The following RAB30 variants were observed in gnomAD, a reference collection of about 807,000 sequenced individuals.
RAB30 encodes the protein RAB30, member RAS oncogene family.
Under a neutral mutation model 25.1 loss-of-function variants are expected in RAB30, and 9 were observed. The ratio of observed to expected loss-of-function variants is 0.36; its 90% CI spans 0.22 to 0.63. RAB30 has a LOEUF of 0.63. Among genes scored for constraint, RAB30 ranks in the 20% least tolerant of loss-of-function variants. The pLI is 0.69. For synonymous variants in RAB30, 77 were observed against 86.4 expected (o/e 0.89, Z 0.60); for missense variants, 140 against 243.5 (o/e 0.58, Z 2.83).
At chr11:83,048,712 G>C (rs901914653) in intron 1 of RAB30, among the ~76,000 whole-genome samples, 1 of 152,132 alleles carries the variant, frequency 6.6e-6, no homozygotes, top group Non-Finnish European at 1.5e-5. Flanking sequence ...TTTAATGTTA[G>C]CCTGCATCCT....
At chr11:83,036,734 T>C (rs1412838338) in intron 1 of RAB30, among the ~76,000 whole-genome samples, 1 of 152,086 alleles carries the variant, frequency 6.6e-6, no homozygotes, top group Non-Finnish European at 1.5e-5. Context: ...AAGTGAGATG[T>C]GAGCTGAGAC....
intron 1 of RAB30, among the ~76,000 whole-genome samples, chr11:83,069,854 G>A (rs1858791755): frequency 1.3e-5 from 2 of 152,160 alleles, no homozygotes; most frequent in Non-Finnish European, 2.9e-5. Context: ...CAGGGGTCAG[G>A]CTCATTGCTG....
Position 82,973,464 on chromosome 11 carries a change from T to C in RAB30, c.*8701A>G, listed in dbSNP as rs1185185043. ...CTAAAAGATTGAATGAGTACTCTTA[T>C]CCAGCATGATTTGTAGTTGTCCTTT... is the stretch of plus-strand genomic sequence containing the variant. On this transcript the variant is annotated 3_prime_UTR_variant, in exon 5 of 5. Transcript: ENST00000527633. 1.3e-5 allele frequency: 2 copies of C among 152,234 alleles called. No individual in the cohort carries two copies. Among genetic ancestry groups the C allele is most frequent in the Non-Finnish European group, 2.9e-5 (2 of 68,038 alleles). The allele number at this position is 152,234 out of a possible 1,614,324, so 9.4% of individuals were successfully genotyped here. A position where few individuals can be genotyped will look rare whatever the true frequency, so the allele number is the denominator to read the frequency against.
At chr11:83,059,653 T>C (rs932786057) in intron 1 of RAB30, among the ~76,000 whole-genome samples, 4 of 152,238 alleles carry the variant, frequency 2.6e-5, no homozygotes, top group African/African-American at 9.6e-5. Context: ...CTCTGCTAAC[T>C]AGGTATACGA....
At chr11:82,993,498 C>T (rs1714509573) in intron 3 of RAB30, among the ~76,000 whole-genome samples, 1 of 152,212 alleles carries the variant, frequency 6.6e-6, no homozygotes, top group African/African-American at 2.4e-5. Flanking sequence ...TTCCTGGACA[C>T]ACCATACTTC....
intron 1 of RAB30, among the ~76,000 whole-genome samples, chr11:83,025,917 G>T (rs1857701409): frequency 6.6e-6 from 1 of 152,170 alleles, no homozygotes; most frequent in Non-Finnish European, 1.5e-5. Flanking sequence ...GGCCAGGCAT[G>T]GTGACTCACA....
chr11:83,001,464 C>T (rs1857084538), intron 1 of RAB30, among the ~76,000 whole-genome samples: 1 of 152,168 alleles, frequency 6.6e-6, no homozygotes, highest in Non-Finnish European at 1.5e-5. Flanking sequence ...CAGGCATGAG[C>T]CACCACGCCA....
chr11:82,998,337 G>A (rs766713006), intron 1 of RAB30, among the ~76,000 whole-genome samples: 2 of 152,142 alleles, frequency 1.3e-5, no homozygotes, highest in Non-Finnish European at 2.9e-5. Flanking sequence ...AGAATGCTCT[G>A]TCTACTTCAG....
At chr11:83,015,204 AC>A (rs1330931489) in intron 1 of RAB30, among the ~76,000 whole-genome samples, 1 of 152,190 alleles carries the variant, frequency 6.6e-6, no homozygotes, top group Non-Finnish European at 1.5e-5. Flanking sequence ...TGGTGTGGAT[AC>A]CAGTAGAAAC....
chr11:82,988,759 A>C (rs1256099995), intron 3 of RAB30, among the ~76,000 whole-genome samples: 1 of 152,186 alleles, frequency 6.6e-6, no homozygotes, highest in African/African-American at 2.4e-5. Context: ...AGAAATAAGA[A>C]CATCAACAAA....
At chr11:82,991,358 A>G (rs1856846674) in intron 3 of RAB30, among the ~76,000 whole-genome samples, 1 of 151,652 alleles carries the variant, frequency 6.6e-6, no homozygotes. Context: ...ATAAAAATGA[A>G]TAGCTGGGCA....
At chr11:82,983,648 G>A (rs978646987) in intron 4 of RAB30, among the ~76,000 whole-genome samples, 37 of 151,908 alleles carry the variant, frequency 2.4e-4, no homozygotes, top group African/African-American at 8.5e-4. Flanking sequence ...CGTCCAGGCT[G>A]GTCTTGAACT....
At chr11:83,015,893 T>C (rs11233417) in intron 1 of RAB30, among the ~76,000 whole-genome samples, 5,370 of 152,272 alleles carry the variant, frequency 0.035, 333 homozygotes, top group African/African-American at 0.12. Flanking sequence ...ATCTCAACAC[T>C]TTGGGAGAAT....
chr11:83,026,076 A>G (rs961509246), intron 1 of RAB30, among the ~76,000 whole-genome samples: 3 of 152,148 alleles, frequency 2.0e-5, no homozygotes, highest in African/African-American at 7.2e-5. Context: ...CTATAGCCCT[A>G]GCTACAAGGG....
At chr11:83,014,158 A>AT (rs1436885764) in intron 1 of RAB30, among the ~76,000 whole-genome samples, 2 of 152,256 alleles carry the variant, frequency 1.3e-5, no homozygotes, top group Non-Finnish European at 2.9e-5. Context: ...TCAGACAGTG[A>AT]TAAGTGCTAG....
intron 1 of RAB30, among the ~76,000 whole-genome samples, chr11:83,040,529 T>C (rs769115471): frequency 4.6e-5 from 7 of 150,582 alleles, no homozygotes; most frequent in Admixed American, 2.0e-4. Flanking sequence ...AGGCGGAGGT[T>C]GCAGTGAGCC....
At chr11:83,016,300 C>G (rs1857437044) in intron 1 of RAB30, among the ~76,000 whole-genome samples, 1 of 152,028 alleles carries the variant, frequency 6.6e-6, no homozygotes, top group Non-Finnish European at 1.5e-5. Flanking sequence ...CTATGGACAA[C>G]TTATGTAAGT....
intron 1 of RAB30, chr11:83,041,531 G>T: frequency 4.9e-6 from 1 of 206,142 alleles, no homozygotes; most frequent in South Asian, 9.9e-5. Context: ...CAAGGAAGCT[G>T]CTGTTTGCAG....
At chr11:83,051,785 C>A (rs1433941953) in intron 1 of RAB30, among the ~76,000 whole-genome samples, 1 of 152,080 alleles carries the variant, frequency 6.6e-6, no homozygotes. Flanking sequence ...TACTAAGATA[C>A]CCTCAGGAGT....
Sources: allele counts gnomAD v4.1 joint callset (sites outside exome capture counted in the v4.1 genomes callset), GRCh38; gene constraint gnomAD v4.1.1; transcripts MANE v1.5; gene names NCBI Gene and HGNC (gene_info 2026-07-23, HGNC 2026-07-21).